Variants in GEMIN5 observed in about 807,000 individuals in gnomAD.
GEMIN5 encodes the protein gem-associated protein 5.
A neutral mutation model predicts 176.9 loss-of-function variants in GEMIN5; 124 were observed. The ratio of observed to expected loss-of-function variants is 0.70; its 90% CI spans 0.61 to 0.81. The LOEUF (loss-of-function observed/expected upper bound fraction) is 0.81. Ranked by LOEUF, GEMIN5 falls within the 40% of genes least tolerant of loss-of-function variation. The pLI, the probability that GEMIN5 is intolerant of heterozygous loss-of-function variation, is 0.00. For synonymous variants in GEMIN5, 673 were observed against 665.2 expected, an observed-to-expected ratio of 1.01 and a Z score of -0.18; for missense variants, 1,843 against 1,814.6, an observed-to-expected ratio of 1.02 and a Z score of -0.28.
rs192292082 is a variant in GEMIN5 at position 154,913,082 on chromosome 5, C to A, written c.1856-44G>T. The stretch of plus-strand genomic sequence containing the variant: ...ACATCACTGCTGCTACTACTAATAA[C>A]AAAAAACAAAACAAAGTACATCCAG... On this transcript the variant is annotated intron_variant, in intron 13 of 27. Coordinates refer to ENST00000285873, the MANE Select transcript of GEMIN5 (RefSeq NM_015465.5). 414 of 1,514,954 alleles carry A rather than the reference C, an allele frequency of 2.7e-4. 5 individuals are homozygous for A. In the East Asian group the frequency reaches 9.0e-3, roughly 33 times the overall value. The allele number at this position is 1,514,954 out of a possible 1,614,324, so 93.8% of individuals were successfully genotyped here.
intron 11 of GEMIN5, among the ~76,000 whole-genome samples, chr5:154,919,005 C>T: frequency 6.6e-6 from 1 of 152,162 alleles, no homozygotes; most frequent in South Asian, 2.1e-4. Context: ...CGCACCACCG[C>T]ACTCCAGCCT....
intron 3 of GEMIN5, among the ~76,000 whole-genome samples, chr5:154,933,273 T>C (rs77214035): frequency 6.6e-6 from 1 of 152,326 alleles, no homozygotes; most frequent in South Asian, 2.1e-4. Flanking sequence ...AAATAAGATA[T>C]AGATTTTGCA....
chr5:154,891,076 T>TTG (rs34855620), intron 26 of GEMIN5, among the ~76,000 whole-genome samples, 165 bp downstream of exon 26: 5 of 147,748 alleles, frequency 3.4e-5, no homozygotes, highest in African/African-American at 1.3e-4. Context: ...TTTTTTTTTT[T>TTG]GTAGAGACAG....
chr5:154,931,871 G>C (rs1246777070), intron 4 of GEMIN5, among the ~76,000 whole-genome samples: 1 of 152,174 alleles, frequency 6.6e-6, no homozygotes, highest in Non-Finnish European at 1.5e-5. Flanking sequence ...AAATTAGCTG[G>C]GCGTGGTGGC....
At chr5:154,931,348 G>A in intron 5 of GEMIN5, 110 bp downstream of exon 5, 1 of 1,132,768 alleles carries the variant, frequency 8.8e-7, no homozygotes, top group Non-Finnish European at 1.2e-6. Context: ...ACCAAAAAGT[G>A]AAGAACTGCT....
rs1764290129 is a variant in GEMIN5 at position 154,937,315 on chromosome 5, G to A, written c.167-130C>T. 4 of 727,396 alleles carry A rather than the reference G, an allele frequency of 5.5e-6. No homozygotes were observed. The Admixed American group carries it at 7.9e-5, about 14-fold the overall frequency. The allele number at this position is 727,396 out of a possible 1,614,324, so 45.1% of individuals were successfully genotyped here. ...TAACCCATGGTATAACTGAAACACC[G>A]ACGGACTTACACTCAGAATTCCCAA... On this transcript the variant is annotated intron_variant, in intron 1 of 27. Transcript: ENST00000285873.
Position 154,896,343 on chromosome 5 carries a change from C to A in GEMIN5, c.3346G>T (p.Gly1116Cys). 6.4e-7 allele frequency: 1 copy of A among 1,566,466 alleles called. No homozygotes were observed. Among genetic ancestry groups the A allele is most frequent in the South Asian group, 1.2e-5 (1 of 83,362 alleles). ...EALQLHESLQ[G>C]QRLVFCLLEL... is the part of the protein sequence containing the mutation. ...AGAAGGCAAAACACCAATCTCTGAC[C>A]CTGGAACACGACAACAAGGAAGAGG... The change falls in exon 24 of 28, where the codon GGT (glycine) becomes TGT (cysteine). Residue 1116 changes from glycine (G) to cysteine (C), a missense_variant and splice_region_variant. Transcript: ENST00000285873.
At chr5:154,937,486 G>C (rs970937322) in intron 1 of GEMIN5, among the ~76,000 whole-genome samples, 2 of 152,218 alleles carry the variant, frequency 1.3e-5, no homozygotes, top group Non-Finnish European at 2.9e-5. Context: ...CTCTTATTTA[G>C]ATGTGGCCAG....
At chr5:154,913,963 T>C (rs1172552003) in intron 13 of GEMIN5, among the ~76,000 whole-genome samples, 2 of 152,126 alleles carry the variant, frequency 1.3e-5, no homozygotes, top group Non-Finnish European at 2.9e-5. Context: ...ACTGCACCAC[T>C]ACACTCCACC....
intron 24 of GEMIN5, among the ~76,000 whole-genome samples, chr5:154,895,221 G>T (rs544480892): frequency 4.7e-4 from 72 of 151,848 alleles, no homozygotes; most frequent in African/African-American, 1.7e-3. Flanking sequence ...AAAGAACTAC[G>T]CCAGGCACAG....
intron 8 of GEMIN5, among the ~76,000 whole-genome samples, chr5:154,925,223 T>C (rs770210772): frequency 1.8e-4 from 27 of 152,178 alleles, no homozygotes; most frequent in Middle Eastern, 3.2e-3. Flanking sequence ...TCTATTAATA[T>C]TAAATAGTTT....
chr5:154,916,326 CAGA>C (rs1168375451), intron 13 of GEMIN5, among the ~76,000 whole-genome samples: 4 of 152,184 alleles, frequency 2.6e-5, no homozygotes, highest in South Asian at 2.1e-4. Context: ...TAGCTAGGAA[CAGA>C]AGATTATTCT....
chr5:154,930,191 ACT>A (rs1271406502), intron 5 of GEMIN5, among the ~76,000 whole-genome samples: 1 of 151,864 alleles, frequency 6.6e-6, no homozygotes, highest in African/African-American at 2.4e-5. Flanking sequence ...TTACCCCGGC[ACT>A]CTCTTTAAAT....
intron 2 of GEMIN5, among the ~76,000 whole-genome samples, chr5:154,936,470 C>G (rs1053729573): frequency 2.6e-5 from 4 of 151,962 alleles, no homozygotes; most frequent in Non-Finnish European, 5.9e-5. Flanking sequence ...TATAGCAACA[C>G]GATATTAACA....
At chr5:154,913,745 A>G (rs1445296025) in intron 13 of GEMIN5, among the ~76,000 whole-genome samples, 1 of 152,102 alleles carries the variant, frequency 6.6e-6, no homozygotes, top group African/African-American at 2.4e-5. Context: ...TGAGCCTGGG[A>G]GGCAGAGGTT....
chr5:154,937,093 C>G lies in GEMIN5; in HGVS notation c.259G>C (p.Asp87His). 1 of 1,614,010 alleles carries G rather than the reference C, an allele frequency of 6.2e-7. No homozygotes were observed. Among genetic ancestry groups the G allele is most frequent in the Non-Finnish European group, 8.5e-7 (1 of 1,179,880 alleles). ...TCCCATATTTTCACAGTCCCATCGT[C>G]GGAGCTGGTGGCACAGAGGTTGTAC... The part of the protein sequence containing the change: ...GQYNLCATSS[D>H]DGTVKIWDVE... The change falls in exon 2 of 28, where the codon GAC becomes CAC. Residue 87 changes from aspartate (D) to histidine (H), a missense_variant. Transcript: ENST00000285873.
At position 154,927,509 on chromosome 5, in the gene GEMIN5, C is replaced by A; in HGVS notation, c.956G>T (p.Arg319Leu). The A allele has an allele frequency of 1.2e-6, 2 of 1,610,456 alleles. No individual in the cohort carries two copies. Among genetic ancestry groups the A allele is most frequent in the Non-Finnish European group, 8.5e-7 (1 of 1,176,930 alleles). Residue 319 changes from arginine (R) to leucine (L), a missense_variant, in exon 7 of 28, where the codon CGG (arginine) becomes CTG (leucine). Physicochemically the swap from Arg to Leu is moderately radical, Grantham distance 102. Transcript: ENST00000285873. The part of the protein sequence containing the change: ...LQWDLTQSWR[R>L]KYTLFSASSE... ...TGAGGCACTGAAGAGGGTGTATTTC[C>A]GTCTCCAAGATTGAGTGAGATCCCA... is the stretch of plus-strand genomic sequence containing the variant.
intron 13 of GEMIN5, among the ~76,000 whole-genome samples, chr5:154,913,901 T>TG (rs1273460629): frequency 6.6e-6 from 1 of 152,188 alleles, no homozygotes; most frequent in Non-Finnish European, 1.5e-5. Flanking sequence ...CTCAGGAGAC[T>TG]GAGGTGGGAG....
intron 7 of GEMIN5, among the ~76,000 whole-genome samples, chr5:154,926,404 G>A (rs1204804077): frequency 6.6e-6 from 1 of 152,058 alleles, no homozygotes; most frequent in Non-Finnish European, 1.5e-5. Context: ...CAAACTCTAA[G>A]GAAGAAGATG....
Sources: gnomAD v4.1 joint callset for allele counts (sites outside exome capture counted in the v4.1 genomes callset) on GRCh38, gnomAD v4.1.1 for gene constraint, MANE v1.5 for transcripts, NCBI Gene and HGNC (gene_info 2026-07-23, HGNC 2026-07-21) for gene names.